Variants in ADNP2 observed in about 807,000 individuals in gnomAD.
The protein encoded by ADNP2 is ADNP homeobox 2.
A neutral mutation model predicts 16.4 loss-of-function variants in ADNP2; 8 were observed. The observed-to-expected ratio is 0.49, with a 90% CI of 0.29 to 0.88. ADNP2 has a LOEUF of 0.88. ADNP2 is among the 40% of genes least tolerant of loss of function. The probability of loss-of-function intolerance (pLI) is 0.09; values close to 1 mark genes in which losing one functional copy is unlikely to be tolerated. For synonymous variants in ADNP2, 637 were observed against 545.8 expected (o/e 1.17, Z -2.33); for missense variants, 1,397 against 1,395.1 (o/e 1.00, Z -0.02).
At chr18:80,114,810 G>A (rs2052379036) in intron 1 of ADNP2, among the ~76,000 whole-genome samples, 2 of 152,084 alleles carry the variant, frequency 1.3e-5, no homozygotes, top group South Asian at 4.1e-4. Flanking sequence ...AAGGCAGGGG[G>A]TGACTTGACA....
At chr18:80,112,080 C>T (rs189887782) in intron 1 of ADNP2, among the ~76,000 whole-genome samples, 9 of 152,200 alleles carry the variant, frequency 5.9e-5, no homozygotes, top group Admixed American at 2.6e-4. Context: ...TTGGCCGCCC[C>T]GGTTAGCCTG....
intron 1 of ADNP2, among the ~76,000 whole-genome samples, chr18:80,111,526 G>A (rs927418358): frequency 2.6e-5 from 4 of 151,814 alleles, no homozygotes; most frequent in African/African-American, 9.7e-5. Flanking sequence ...AAGTTCTGTG[G>A]CTTAAAAAGT....
intron 2 of ADNP2, among the ~76,000 whole-genome samples, chr18:80,127,280 A>G (rs900193466): frequency 1.4e-5 from 2 of 146,660 alleles, no homozygotes; most frequent in African/African-American, 5.1e-5. Context: ...GGACTCCTGT[A>G]TATTAGGCTC....
intron 3 of ADNP2, among the ~76,000 whole-genome samples, chr18:80,134,393 G>A (rs1293563218): frequency 7.5e-6 from 1 of 132,726 alleles, no homozygotes; most frequent in African/African-American, 2.6e-5. Flanking sequence ...AAGAGTGTGT[G>A]TGTGTGTGTG....
At chr18:80,125,546 G>A (rs373816192) in intron 2 of ADNP2, among the ~76,000 whole-genome samples, 17 of 152,294 alleles carry the variant, frequency 1.1e-4, no homozygotes, top group African/African-American at 4.1e-4. Context: ...AGGTGGCTGA[G>A]GCAGGAGAAT....
intron 2 of ADNP2, among the ~76,000 whole-genome samples, chr18:80,130,740 GC>G (rs961174264): frequency 3.6e-5 from 3 of 83,306 alleles, no homozygotes; most frequent in Admixed American, 1.2e-4. Context: ...CCCAGCCCCC[GC>G]CCCCCCGCCC....
Position 80,117,581 on chromosome 18 carries a change from A to G in ADNP2, c.39A>G (p.Arg13=). Residue 13 remains arginine (R), a synonymous_variant, in exon 2 of 4, where the codon AGA becomes AGG. Coordinates refer to ENST00000262198, the MANE Select transcript of ADNP2 (RefSeq NM_014913.4). The stretch of plus-strand genomic sequence containing the variant: ...CTGTGGAAAATCTTGACAACATCAG[A>G]AAGGTGCGAAAAAAGGTGAAAGGTA... ...QIPVENLDNI[R]KVRKKVKGIL... The G allele has an allele frequency of 1.2e-6, 2 of 1,603,470 alleles. No homozygotes were observed. Among genetic ancestry groups the G allele is most frequent in the South Asian group, 2.2e-5 (2 of 88,968 alleles).
At position 80,138,448 on chromosome 18, in the gene ADNP2, C is replaced by G. The variant is rs141359018; in HGVS notation, c.3035C>G (p.Thr1012Arg). The change falls in exon 4 of 4, where the codon ACG becomes AGG. Residue 1012 changes from threonine to arginine, a missense_variant. By Grantham distance (71) the Thr-to-Arg change is moderately conservative (BLOSUM62 -1). Transcript: ENST00000262198. ...GCAGCCCCGGGTCCAGAAAAGGTGA[C>G]GAGTGTTGTGCCTTTTAAAAGACAA... is the stretch of plus-strand genomic sequence containing the variant. ...ADAAPGPEKVTSVVPFKRQRN... is the reference protein window; with the variant it reads ...ADAAPGPEKVRSVVPFKRQRN... The G allele has an allele frequency of 2.9e-5, 46 of 1,613,866 alleles. No individual in the cohort carries two copies. Among genetic ancestry groups the G allele is most frequent in the Non-Finnish European group, 3.6e-5 (42 of 1,180,028 alleles).
chr18:80,124,440 T>G (rs886401086), intron 2 of ADNP2, among the ~76,000 whole-genome samples: 11 of 152,202 alleles, frequency 7.2e-5, no homozygotes, highest in African/African-American at 2.7e-4. Context: ...TTATATTTAC[T>G]GGTTTATGAC....
Position 80,137,001 on chromosome 18 carries a change from G to C in ADNP2, c.1588G>C (p.Ala530Pro), listed in dbSNP as rs370507445. 1.9e-5 allele frequency: 31 copies of C among 1,614,156 alleles called. No individual in the cohort carries two copies. The Admixed American group carries it at 2.2e-4, about 11-fold the overall frequency. ...LSPNQTVSSSAVVPVNQGVNS... is the reference protein window; with the variant it reads ...LSPNQTVSSSPVVPVNQGVNS... ...TCCCAACCAGACAGTCTCCTCCTCA[G>C]CTGTTGTGCCTGTAAACCAGGGTGT... The change falls in exon 4 of 4, where the codon GCT (alanine) becomes CCT (proline). Residue 530 changes from alanine (A) to proline (P), a missense_variant. Transcript: ENST00000262198. This position sits in a 1 kb window ranked among gnomAD's most constrained non-coding sequence, Gnocchi z 4.2.
At position 80,138,329 on chromosome 18, in the gene ADNP2, C is replaced by A; in HGVS notation, c.2916C>A (p.Ser972=). ...LLVSGEVMHD[S]SFSVKRKLPD... is the part of the protein sequence containing the mutation. The stretch of plus-strand genomic sequence containing the variant: ...TCAGTGGTGAAGTGATGCATGATTC[C>A]AGTTTTTCTGTTAAGAGAAAGCTGC... Residue 972 remains serine, a synonymous_variant, in exon 4 of 4, where the codon TCC becomes TCA. Coordinates refer to ENST00000262198, the MANE Select transcript of ADNP2 (RefSeq NM_014913.4). The A allele has an allele frequency of 1.2e-6, 2 of 1,614,122 alleles. No individual in the cohort carries two copies. The highest frequency in any genetic ancestry group is 3.3e-4 in the Middle Eastern group (2 of 6,062).
At chr18:80,134,392 T>TGC (rs1379600658) in intron 3 of ADNP2, among the ~76,000 whole-genome samples, 2 of 131,138 alleles carry the variant, frequency 1.5e-5, no homozygotes, top group Admixed American at 7.6e-5. Flanking sequence ...GAAGAGTGTG[T>TGC]GTGTGTGTGT....
chr18:80,118,023 A>G (rs750768644), intron 2 of ADNP2, among the ~76,000 whole-genome samples: 2 of 152,172 alleles, frequency 1.3e-5, no homozygotes, highest in Non-Finnish European at 2.9e-5. Flanking sequence ...TGATTTGTGT[A>G]GTTGTATATG....
intron 2 of ADNP2, among the ~76,000 whole-genome samples, chr18:80,120,944 G>A (rs955506355): frequency 2.0e-5 from 3 of 152,174 alleles, no homozygotes; most frequent in Admixed American, 6.5e-5. Flanking sequence ...ATGAACATTG[G>A]TGCACAAGTA....
chr18:80,138,388 A>G lies in ADNP2; in HGVS notation c.2975A>G (p.His992Arg). ...DGHLGAEDQR[H>R]GEEQPPILNA... ...CACTTAGGGGCCGAAGACCAGCGGC[A>G]TGGGGAGGAGCAGCCTCCCATCCTA... Residue 992 changes from histidine (H) to arginine (R), a missense_variant, in exon 4 of 4, where the codon CAT (histidine) becomes CGT (arginine). His to Arg is a conservative substitution (Grantham distance 29). Coordinates refer to ENST00000262198, the MANE Select transcript of ADNP2 (RefSeq NM_014913.4). 1 of 1,614,102 alleles carries G rather than the reference A, an allele frequency of 6.2e-7. No individual in the cohort carries two copies. Among genetic ancestry groups the G allele is most frequent in the Non-Finnish European group, 8.5e-7 (1 of 1,180,028 alleles).
In ADNP2 at chr18:80,132,844, C is replaced by A. The variant is rs527507293; in HGVS notation, c.109-259C>A. Among the ~76,000 whole-genome samples, 3 of 152,056 alleles carry A rather than the reference C, an allele frequency of 2.0e-5. No individual in the cohort carries two copies. The East Asian group carries it at 5.8e-4, about 29-fold the overall frequency. ...AAGCAATTCTCCTGCCTCAGCCTCC[C>A]GAGTAGCTTGGAGTACAGGCATGTG... On this transcript the variant is annotated intron_variant, in intron 2 of 3. Transcript: ENST00000262198.
Position 80,135,732 on chromosome 18 carries a change from C to G in ADNP2, c.319C>G (p.Pro107Ala). ...EDEIDQELVI[P>A]CPNCVFASQP... ...TGAAATTGACCAAGAGCTGGTGATC[C>G]CTTGCCCAAACTGTGTATTTGCATC... Residue 107 changes from proline (P) to alanine (A), a missense_variant, in exon 4 of 4, where the codon CCT (proline) becomes GCT (alanine). Coordinates refer to ENST00000262198, the MANE Select transcript of ADNP2 (RefSeq NM_014913.4). The G allele has an allele frequency of 1.2e-6, 2 of 1,614,180 alleles. No homozygotes were observed. The highest frequency in any genetic ancestry group is 1.7e-6 in the Non-Finnish European group (2 of 1,180,036).
In ADNP2 at chr18:80,137,079, G is replaced by C. The variant is rs767691893; in HGVS notation, c.1666G>C (p.Val556Leu). The C allele has an allele frequency of 1.2e-6, 2 of 1,614,154 alleles. No homozygotes were observed. Among genetic ancestry groups the C allele is most frequent in the East Asian group, 2.2e-5 (1 of 44,888 alleles). ...GCCTGTTGTGTCGGGAGTTCTTCCT[G>C]TGGGCCAGCCAGTGAGGCCTGGGGT... ...SQPVVSGVLPVGQPVRPGVLQ... is the reference protein window; with the variant it reads ...SQPVVSGVLPLGQPVRPGVLQ... Residue 556 changes from valine (V) to leucine (L), a missense_variant, in exon 4 of 4, where the codon GTG becomes CTG. Transcript: ENST00000262198. The surrounding 1 kb of genome is among the most constrained non-coding windows in gnomAD (Gnocchi z 4.2).
intron 2 of ADNP2, among the ~76,000 whole-genome samples, chr18:80,123,025 C>T (rs1471484877): frequency 6.6e-6 from 1 of 151,714 alleles, no homozygotes; most frequent in Non-Finnish European, 1.5e-5. Context: ...TCATGAAAAC[C>T]TGTTGGATTT....
Sources: allele counts gnomAD v4.1 joint callset (sites outside exome capture counted in the v4.1 genomes callset), GRCh38; gene constraint gnomAD v4.1.1; non-coding constraint Gnocchi (gnomAD v3.1); transcripts MANE v1.5; gene names NCBI Gene and HGNC (gene_info 2026-07-23, HGNC 2026-07-21).